The following ADK variants were observed in gnomAD, a reference collection of about 807,000 sequenced individuals.
The protein encoded by ADK is adenosine kinase, also known as N6,N6-dimethyladenosine kinase.
In ADK, 24 loss-of-function variants were observed where a neutral mutation model predicts 44.7. The ratio of observed to expected loss-of-function variants is 0.54; its 90% CI spans 0.39 to 0.76. The LOEUF (loss-of-function observed/expected upper bound fraction) is 0.76. ADK is among the 30% of genes least tolerant of loss of function. ADK has a pLI of 0.00. For missense variants in ADK, 321 were observed against 425.1 expected (o/e 0.76, Z 2.15); for synonymous variants, 128 against 142.6 (o/e 0.90, Z 0.73).
At chr10:74,568,536 A>G (rs1010259782) in intron 7 of ADK, among the ~76,000 whole-genome samples, 1 of 152,162 alleles carries the variant, frequency 6.6e-6, no homozygotes, top group East Asian at 1.9e-4. Flanking sequence ...CCACAGTGCA[A>G]AGCAAAAGCA....
chr10:74,354,367 C>A (rs1337821778), intron 4 of ADK, among the ~76,000 whole-genome samples: 1 of 152,112 alleles, frequency 6.6e-6, no homozygotes, highest in Admixed American at 6.5e-5. Context: ...GTTACCCCTA[C>A]ACAATTCCTT....
intron 6 of ADK, among the ~76,000 whole-genome samples, chr10:74,484,623 G>A (rs541046596): frequency 7.2e-5 from 11 of 152,178 alleles, no homozygotes; most frequent in Admixed American, 2.0e-4. Flanking sequence ...AAAGCAAAAC[G>A]GCAAGAATAT....
At chr10:74,175,658 G>A (rs1419766791) in intron 1 of ADK, among the ~76,000 whole-genome samples, 3 of 151,986 alleles carry the variant, frequency 2.0e-5, no homozygotes, top group Admixed American at 6.6e-5. Flanking sequence ...GGGCCCAGTC[G>A]TTCACACCTA....
chr10:74,558,651 A>G (rs1850351654), intron 7 of ADK, among the ~76,000 whole-genome samples: 1 of 152,076 alleles, frequency 6.6e-6, no homozygotes, highest in Non-Finnish European at 1.5e-5. Flanking sequence ...TTTTCTTTTT[A>G]AGTTACCCAG....
chr10:74,588,675 G>A (rs989665846), intron 7 of ADK, among the ~76,000 whole-genome samples: 2 of 152,178 alleles, frequency 1.3e-5, no homozygotes, highest in Admixed American at 1.3e-4. Context: ...ATAAGTGATA[G>A]CATCGATCAC....
At chr10:74,658,528 C>T (rs1316194965) in intron 9 of ADK, among the ~76,000 whole-genome samples, 3 of 152,212 alleles carry the variant, frequency 2.0e-5, no homozygotes, top group Admixed American at 6.5e-5. Context: ...ACCTCCTGGG[C>T]TCAAGCAATC....
At chr10:74,613,763 GA>G (rs372336221) in intron 9 of ADK, among the ~76,000 whole-genome samples, 32 of 152,172 alleles carry the variant, frequency 2.1e-4, no homozygotes, top group African/African-American at 7.5e-4. Context: ...AACTCTAAAG[GA>G]AAACAATCTC....
At chr10:74,462,040 A>T (rs1846188037) in intron 6 of ADK, among the ~76,000 whole-genome samples, 1 of 152,128 alleles carries the variant, frequency 6.6e-6, no homozygotes, top group Non-Finnish European at 1.5e-5. Context: ...TGCATTCAAA[A>T]GTTCTTTAAA....
intron 3 of ADK, among the ~76,000 whole-genome samples, chr10:74,297,619 A>G (rs141270844): frequency 4.1e-4 from 62 of 152,330 alleles, no homozygotes; most frequent in African/African-American, 1.4e-3. Flanking sequence ...TTGGCAAACT[A>G]TGAGCTGTGG....
At chr10:74,601,734 G>A (rs571667352) in intron 9 of ADK, among the ~76,000 whole-genome samples, 178 of 151,896 alleles carry the variant, frequency 1.2e-3, no homozygotes, top group African/African-American at 4.0e-3. Flanking sequence ...ATTCAGAGAT[G>A]TTGAGTGGCT....
intron 5 of ADK, among the ~76,000 whole-genome samples, chr10:74,397,457 T>G (rs1843558299): frequency 6.6e-6 from 1 of 152,060 alleles, no homozygotes; most frequent in Non-Finnish European, 1.5e-5. Flanking sequence ...AGGAAAGTAT[T>G]TTTATTTATA....
intron 6 of ADK, among the ~76,000 whole-genome samples, chr10:74,486,691 A>G (rs1229778808): frequency 2.0e-5 from 3 of 152,124 alleles, no homozygotes; most frequent in Admixed American, 6.5e-5. Flanking sequence ...GTTTTGTCCT[A>G]TACTACTAGC....
At chr10:74,563,896 A>AT (rs1211718616) in intron 7 of ADK, among the ~76,000 whole-genome samples, 2 of 151,876 alleles carry the variant, frequency 1.3e-5, no homozygotes, top group South Asian at 4.2e-4. Context: ...TTATTTATTT[A>AT]TTTTTTATTA....
At chr10:74,506,013 T>C (rs1454577605) in intron 6 of ADK, 1 of 152,196 alleles carries the variant, frequency 6.6e-6, no homozygotes, top group Non-Finnish European at 1.5e-5. Context: ...GCCAAACCTC[T>C]TTCTAAAAAT....
At chr10:74,412,561 TA>T (rs1460327434) in intron 6 of ADK, among the ~76,000 whole-genome samples, 3 of 152,204 alleles carry the variant, frequency 2.0e-5, no homozygotes, top group African/African-American at 7.2e-5. Flanking sequence ...ATATATTACT[TA>T]AATAAGATTT....
At chr10:74,390,620 T>A (rs1296771678) in intron 4 of ADK, among the ~76,000 whole-genome samples, 1 of 152,172 alleles carries the variant, frequency 6.6e-6, no homozygotes, top group African/African-American at 2.4e-5. Flanking sequence ...GTGATCAAGA[T>A]TCCAGATGTC....
chr10:74,177,402 C>T (rs774667071), intron 1 of ADK, among the ~76,000 whole-genome samples: 6 of 152,086 alleles, frequency 3.9e-5, no homozygotes, highest in Non-Finnish European at 7.4e-5. Flanking sequence ...CCCTGGTTCC[C>T]GAAGGTACCA....
intron 3 of ADK, among the ~76,000 whole-genome samples, chr10:74,243,777 C>T (rs1048554939): frequency 2.6e-5 from 4 of 152,156 alleles, no homozygotes; most frequent in African/African-American, 9.7e-5. Flanking sequence ...GCACGGAAAT[C>T]GCTTGAACCC....
At chr10:74,235,128 C>CCT (rs1564610052) in intron 3 of ADK, among the ~76,000 whole-genome samples, 1 of 130,140 alleles carries the variant, frequency 7.7e-6, no homozygotes, top group Non-Finnish European at 1.6e-5. Context: ...GAAATTATCC[C>CCT]TTTTTTTTTT....
Sources: allele counts gnomAD v4.1 joint callset (sites outside exome capture counted in the v4.1 genomes callset), GRCh38; gene constraint gnomAD v4.1.1; transcripts MANE v1.5; gene names NCBI Gene and HGNC (gene_info 2026-07-23, HGNC 2026-07-21).